The following NCOA2 variants were observed in gnomAD, a reference collection of about 807,000 sequenced individuals.
The protein encoded by NCOA2 is nuclear receptor coactivator 2.
Under a neutral mutation model 145.1 loss-of-function variants are expected in NCOA2, and 21 were observed. That is an observed-to-expected ratio of 0.14 (90% CI 0.10 to 0.21). The LOEUF is 0.21. NCOA2 is among the 10% of genes least tolerant of loss of function. NCOA2 has a pLI of 1.00. For missense variants in NCOA2, 1,472 were observed against 1,837.6 expected (o/e 0.80, Z 3.64); for synonymous variants, 619 against 637.5 (o/e 0.97, Z 0.44).
chr8:70,115,493 G>C (rs555122242), intron 22 of NCOA2, among the ~76,000 whole-genome samples: 31 of 152,266 alleles, frequency 2.0e-4, no homozygotes, highest in African/African-American at 6.0e-4. Flanking sequence ...AATACTTCTA[G>C]GATGGTTGTA....
intron 1 of NCOA2, among the ~76,000 whole-genome samples, chr8:70,363,065 T>A (rs1810356858): frequency 7.5e-6 from 1 of 133,064 alleles, no homozygotes. Context: ...TTGACAGAGT[T>A]AAGACTCTGT....
At chr8:70,186,499 A>T (rs961463800) in intron 4 of NCOA2, among the ~76,000 whole-genome samples, 2 of 152,174 alleles carry the variant, frequency 1.3e-5, no homozygotes, top group Admixed American at 6.5e-5. Flanking sequence ...GCTGTTATGA[A>T]GTATTCATCT....
intron 2 of NCOA2, among the ~76,000 whole-genome samples, chr8:70,218,794 T>C (rs77089419): frequency 0.056 from 8,530 of 152,198 alleles, 303 homozygotes; most frequent in East Asian, 0.16. Flanking sequence ...TCATACAAAC[T>C]TAAGAAAGTT....
intron 2 of NCOA2, among the ~76,000 whole-genome samples, chr8:70,220,923 G>A: frequency 6.6e-6 from 1 of 152,158 alleles, no homozygotes; most frequent in Non-Finnish European, 1.5e-5. Context: ...ATAATAAAGT[G>A]ATCGAACATC....
the NCOA2 span, among the ~76,000 whole-genome samples, chr8:70,426,543 T>G: frequency 3.4e-3 from 512 of 152,346 alleles, 5 homozygotes; most frequent in African/African-American, 0.012. Flanking sequence ...GCAGGCACTG[T>G]GAACTCTTTG....
intron 4 of NCOA2, among the ~76,000 whole-genome samples, chr8:70,204,114 T>C (rs1171498782): frequency 6.6e-6 from 1 of 152,144 alleles, no homozygotes; most frequent in African/African-American, 2.4e-5. Flanking sequence ...TTCAAGCGAT[T>C]CTTCTGCCTC....
chr8:70,156,272 C>A lies in NCOA2; in HGVS notation c.2093G>T (p.Ser698Ile). The A allele has an allele frequency of 6.2e-7, 1 of 1,613,994 alleles. No homozygotes were observed. Among genetic ancestry groups the A allele is most frequent in the Non-Finnish European group, 8.5e-7 (1 of 1,179,888 alleles). The stretch of plus-strand genomic sequence containing the variant: ...TAACTTGGCCAAGTCCACAGGGGAA[C>A]TGCTGTCCTGCAAGAGTCTGTGCAA... The part of the protein sequence containing the change: ...KILHRLLQDS[S>I]SPVDLAKLTA... The change falls in exon 11 of 23, where the codon AGT (serine) becomes ATT (isoleucine). Residue 698 changes from serine to isoleucine, a missense_variant. This residue lies in a region of NCOA2 where 953 missense variants were observed against 1,062.1 expected (regional missense o/e 0.90). Transcript: ENST00000452400.
intron 4 of NCOA2, among the ~76,000 whole-genome samples, chr8:70,178,587 A>G (rs1039802020): frequency 3.3e-5 from 5 of 152,194 alleles, no homozygotes; most frequent in Non-Finnish European, 7.3e-5. Flanking sequence ...GTGCAGGGGA[A>G]GCAAAGTGAA....
At chr8:70,160,659 CAGAG>C (rs776025101) in intron 9 of NCOA2, among the ~76,000 whole-genome samples, 8 of 132,254 alleles carry the variant, frequency 6.0e-5, no homozygotes, top group South Asian at 4.7e-4. Flanking sequence ...AAGTGAGAGA[CAGAG>C]AGAGAGAGAG....
chr8:70,313,878 A>G (rs905229450), intron 1 of NCOA2, among the ~76,000 whole-genome samples: 2 of 152,136 alleles, frequency 1.3e-5, no homozygotes, highest in Admixed American at 6.6e-5. Flanking sequence ...TAAACTTCAA[A>G]AACAACTGCT....
chr8:70,318,736 C>A (rs139198854), intron 1 of NCOA2, among the ~76,000 whole-genome samples: 1 of 152,058 alleles, frequency 6.6e-6, no homozygotes, highest in African/African-American at 2.4e-5. Flanking sequence ...GCCCTCCAGA[C>A]TGGGTGACAG....
At chr8:70,455,949 A>T in the NCOA2 span, among the ~76,000 whole-genome samples, 1 of 152,124 alleles carries the variant, frequency 6.6e-6, no homozygotes, top group African/African-American at 2.4e-5. Flanking sequence ...AGGTTGCCAA[A>T]ATAATACTTA....
intron 1 of NCOA2, among the ~76,000 whole-genome samples, chr8:70,386,899 CT>C (rs1471137305): frequency 1.3e-5 from 2 of 151,800 alleles, no homozygotes; most frequent in East Asian, 3.9e-4. Flanking sequence ...ATTAAACTTC[CT>C]TTTTTAATAT....
At chr8:70,238,063 A>C (rs931411527) in intron 2 of NCOA2, among the ~76,000 whole-genome samples, 2 of 152,208 alleles carry the variant, frequency 1.3e-5, no homozygotes, top group Non-Finnish European at 2.9e-5. Context: ...ATATGTGATT[A>C]AGATAGAAAT....
At chr8:70,380,210 C>T (rs1256430912) in intron 1 of NCOA2, among the ~76,000 whole-genome samples, 1 of 152,190 alleles carries the variant, frequency 6.6e-6, no homozygotes, top group Non-Finnish European at 1.5e-5. Context: ...TCTAAAATTA[C>T]ATTTCATTCT....
chr8:70,121,790 TATTA>T (rs1191541478), intron 21 of NCOA2, among the ~76,000 whole-genome samples: 1 of 152,244 alleles, frequency 6.6e-6, no homozygotes, highest in Non-Finnish European at 1.5e-5. Flanking sequence ...TTAGGCAAGT[TATTA>T]ATTATCAAGA....
chr8:70,321,974 C>G (rs750718948), intron 1 of NCOA2, among the ~76,000 whole-genome samples: 11 of 151,412 alleles, frequency 7.3e-5, no homozygotes, highest in Non-Finnish European at 1.3e-4. Context: ...ACTAAAAATA[C>G]AAAAATTAGC....
At chr8:70,167,275 T>G (rs1294241017) in intron 6 of NCOA2, among the ~76,000 whole-genome samples, 1 of 152,132 alleles carries the variant, frequency 6.6e-6, no homozygotes, top group Non-Finnish European at 1.5e-5. Flanking sequence ...GAGGATGAAG[T>G]CCATTAACAC....
chr8:70,256,343 T>C (rs1161916374), intron 2 of NCOA2, among the ~76,000 whole-genome samples: 3 of 152,184 alleles, frequency 2.0e-5, no homozygotes, highest in South Asian at 2.1e-4. Context: ...CAGGCTGCCA[T>C]TGCTAGTAGT....
Sources: gnomAD v4.1 joint callset for allele counts (sites outside exome capture counted in the v4.1 genomes callset) on GRCh38, gnomAD v4.1.1 for gene constraint, gnomAD v4.1.1 regional missense constraint, MANE v1.5 for transcripts, NCBI Gene and HGNC (gene_info 2026-07-23, HGNC 2026-07-21) for gene names.